The following SAMD12 variants were observed in gnomAD, a reference collection of about 807,000 sequenced individuals.
SAMD12 encodes the protein sterile alpha motif domain containing 12.
SAMD12 carries 9 observed loss-of-function variants against 15.0 expected under a neutral mutation model. The observed-to-expected ratio is 0.60, with a 90% CI of 0.36 to 1.05. The LOEUF is 1.05. Among genes scored for constraint, SAMD12 ranks in the 50% least tolerant of loss-of-function variants. The pLI is 0.01. For synonymous variants in SAMD12, 86 were observed against 90.1 expected (o/e 0.96, Z 0.25); for missense variants, 230 against 234.2 (o/e 0.98, Z 0.12).
At chr8:118,464,441 A>G (rs975197385) in intron 2 of SAMD12, among the ~76,000 whole-genome samples, 1 of 152,228 alleles carries the variant, frequency 6.6e-6, no homozygotes, top group African/African-American at 2.4e-5. Flanking sequence ...GACTGTAGTC[A>G]GAAACTTATT....
intron 3 of SAMD12, among the ~76,000 whole-genome samples, chr8:118,395,146 T>C (rs1820489618): frequency 6.6e-6 from 1 of 152,198 alleles, no homozygotes; most frequent in Non-Finnish European, 1.5e-5. Flanking sequence ...CAATGGATGA[T>C]AATGGGTTCA....
intron 4 of SAMD12, among the ~76,000 whole-genome samples, chr8:118,272,113 C>A (rs548216926): frequency 1.3e-5 from 2 of 152,364 alleles, no homozygotes; most frequent in East Asian, 3.9e-4. Flanking sequence ...GCCCGTGGAG[C>A]AAACTTCTGC....
rs75523670 is a variant in SAMD12, at chr8:118,356,587, T to C, written c.433+22973A>G. On this transcript the variant is annotated intron_variant, in intron 4 of 4. Coordinates refer to the SAMD12 transcript ENST00000409003. ...ACCTAATGTGAGTGAAAGGCGGAAA[T>C]GTCTAGTGATCGAGTGACCGCACCA... 3.3e-5 allele frequency among the ~76,000 whole-genome samples: 5 copies of C among 152,264 alleles called. No individual in the cohort carries two copies. In the East Asian group the frequency reaches 9.7e-4, roughly 29 times the overall value.
At chr8:118,381,760 G>T (rs1819684308) in intron 3 of SAMD12, among the ~76,000 whole-genome samples, 1 of 152,152 alleles carries the variant, frequency 6.6e-6, no homozygotes, top group Non-Finnish European at 1.5e-5. Context: ...ACCCATTTTT[G>T]GACTTCTGAC....
rs201311132 is a variant in SAMD12 at position 118,203,576 on chromosome 8, CT to C, written c.434-5845del. Among the ~76,000 whole-genome samples, 1,224 of 152,076 alleles carry C rather than the reference CT, an allele frequency of 8.0e-3. 5 individuals are homozygous for C. The highest frequency in any genetic ancestry group is 0.013 in the Non-Finnish European group (906 of 67,954). On this transcript the variant is annotated intron_variant, in intron 4 of 4. Transcript: ENST00000409003. ...CAGGTCCTTGTTTCTATTTTCTTTT[CT>C]TTTTTTAATTCTATTTTTTTATTAT...
chr8:118,452,964 C>G (rs1823126608), intron 2 of SAMD12, among the ~76,000 whole-genome samples: 1 of 152,188 alleles, frequency 6.6e-6, no homozygotes, highest in African/African-American at 2.4e-5. Flanking sequence ...CAAGAATTAG[C>G]AGACACATGC....
the SAMD12 span, among the ~76,000 whole-genome samples, chr8:118,133,002 A>G: frequency 2.9e-4 from 30 of 104,544 alleles, no homozygotes; most frequent in African/African-American, 9.0e-4. Flanking sequence ...ATATATATAT[A>G]TATATATATA....
chr8:118,394,897 C>T (rs1428234250), intron 3 of SAMD12: 5 of 152,256 alleles, frequency 3.3e-5, no homozygotes, highest in South Asian at 2.1e-4. Context: ...AGGGCACTGG[C>T]TGGCTCTCAA....
chr8:118,138,956 A>G, the SAMD12 span, among the ~76,000 whole-genome samples: 25 of 152,316 alleles, frequency 1.6e-4, no homozygotes, highest in East Asian at 4.6e-3. Context: ...CCACTTTCCA[A>G]TCTCATTAGC....
the SAMD12 span, among the ~76,000 whole-genome samples, chr8:118,167,378 C>A: frequency 1.3e-5 from 2 of 152,186 alleles, no homozygotes; most frequent in East Asian, 3.9e-4. Flanking sequence ...CTGGGCCTGG[C>A]GTGTTACAAT....
intron 1 of SAMD12, among the ~76,000 whole-genome samples, chr8:118,612,000 C>T (rs937116230): frequency 5.3e-5 from 8 of 152,138 alleles, no homozygotes; most frequent in African/African-American, 1.9e-4. Flanking sequence ...AGACTCAGTT[C>T]TAAATCAGAA....
intron 4 of SAMD12, among the ~76,000 whole-genome samples, chr8:118,257,230 A>G (rs557392380): frequency 6.6e-6 from 1 of 152,242 alleles, no homozygotes; most frequent in East Asian, 1.9e-4. Context: ...CTAGAGAAGT[A>G]GTATCTTTAA....
At chr8:118,337,869 CA>C in intron 4 of SAMD12, among the ~76,000 whole-genome samples, 1 of 151,804 alleles carries the variant, frequency 6.6e-6, no homozygotes, top group East Asian at 1.9e-4. Context: ...AAGGAAACAA[CA>C]AAAAAAATGT....
intron 4 of SAMD12, among the ~76,000 whole-genome samples, chr8:118,356,359 C>A (rs532274563): frequency 8.5e-5 from 13 of 152,298 alleles, no homozygotes; most frequent in South Asian, 6.2e-4. Context: ...GTGTAGGGCA[C>A]CACCTGGCCC....
intron 2 of SAMD12, among the ~76,000 whole-genome samples, chr8:118,542,757 T>C (rs955458382): frequency 6.6e-6 from 1 of 152,246 alleles, no homozygotes. Context: ...TTTATTTCTA[T>C]TTTGAGGAAT....
At chr8:118,135,025 C>T in the SAMD12 span, among the ~76,000 whole-genome samples, 1 of 152,140 alleles carries the variant, frequency 6.6e-6, no homozygotes, top group Non-Finnish European at 1.5e-5. Flanking sequence ...GCTGCTGGTC[C>T]AGAAACCACA....
rs1406047723 is a variant in SAMD12 at position 118,508,898 on chromosome 8, A to G, written c.193-68937T>C. Among the ~76,000 whole-genome samples the G allele has an allele frequency of 1.6e-4, 24 of 151,324 alleles. 1 individual carries two copies. In the Admixed American group the frequency reaches 1.6e-3, roughly 10 times the overall value. On this transcript the variant is annotated intron_variant, in intron 2 of 3. Transcript: ENST00000314727. ...ACACTAAAAATGGAACTTTAATGTTACAACATGATTGAGAGTCTGGTATCA... is the reference window on the plus strand; with the variant it reads ...ACACTAAAAATGGAACTTTAATGTTGCAACATGATTGAGAGTCTGGTATCA...
At chr8:118,491,841 T>C (rs756491809) in intron 2 of SAMD12, among the ~76,000 whole-genome samples, 3 of 152,206 alleles carry the variant, frequency 2.0e-5, no homozygotes, top group Non-Finnish European at 2.9e-5. Flanking sequence ...TGTTGATCTA[T>C]TCTCTTATTG....
intron 2 of SAMD12, among the ~76,000 whole-genome samples, chr8:118,520,227 A>T: frequency 6.7e-6 from 1 of 148,868 alleles, no homozygotes; most frequent in Admixed American, 6.7e-5. Context: ...GTAAAGAAGA[A>T]AAAAACACAC....
Sources: gnomAD v4.1 joint callset for allele counts (sites outside exome capture counted in the v4.1 genomes callset) on GRCh38, gnomAD v4.1.1 for gene constraint, MANE v1.5 for transcripts, NCBI Gene and HGNC (gene_info 2026-07-23, HGNC 2026-07-21) for gene names.